The following ZP3 variants were observed in gnomAD, a reference collection of about 807,000 sequenced individuals.
The protein encoded by ZP3 is zona pellucida glycoprotein 3.
In ZP3, 21 loss-of-function variants were observed where a neutral mutation model predicts 35.6. The observed-to-expected ratio is 0.59, with a 90% CI of 0.42 to 0.85. The LOEUF (loss-of-function observed/expected upper bound fraction) is 0.85. ZP3 is among the 40% of genes least tolerant of loss of function. ZP3 has a pLI of 0.00. For missense variants in ZP3, 437 were observed against 536.5 expected (o/e 0.81, Z 1.83); for synonymous variants, 207 against 214.5 (o/e 0.96, Z 0.31).
intron 1 of ZP3, among the ~76,000 whole-genome samples, chr7:76,399,201 T>C (rs1437971978): frequency 6.6e-6 from 1 of 151,908 alleles, no homozygotes; most frequent in Non-Finnish European, 1.5e-5. Flanking sequence ...TTAGTAGAGA[T>C]GGGGTTTCAC....
chr7:76,422,989 C>A (rs1805542230), upstream of ZP3, among the ~76,000 whole-genome samples: 1 of 116,652 alleles, frequency 8.6e-6, no homozygotes, highest in African/African-American at 3.4e-5. Context: ...AGAATGAGAT[C>A]CTGTCTCAAA....
chr7:76,398,564 CA>C (rs976882074), intron 1 of ZP3, among the ~76,000 whole-genome samples: 5 of 152,080 alleles, frequency 3.3e-5, no homozygotes, highest in Non-Finnish European at 5.9e-5. Flanking sequence ...CTCGGCCTCC[CA>C]AAGTGCTGGG....
At chr7:76,418,916 C>G (rs1253448022) in intron 1 of ZP3, among the ~76,000 whole-genome samples, 2 of 152,118 alleles carry the variant, frequency 1.3e-5, no homozygotes, top group African/African-American at 2.4e-5. Flanking sequence ...TTGGATATAG[C>G]TCCCCCAATG....
chr7:76,417,946 T>TC (rs1563693399), intron 1 of ZP3, among the ~76,000 whole-genome samples: 4 of 151,058 alleles, frequency 2.6e-5, no homozygotes, highest in African/African-American at 9.7e-5. Flanking sequence ...CTTTCTTTTT[T>TC]TTTTTTTTTG....
chr7:76,405,271 TTATATATATATATATATATATATATA>T (rs1171830870), intron 1 of ZP3, among the ~76,000 whole-genome samples: 220 of 9,140 alleles, frequency 0.024, 11 homozygotes, highest in East Asian at 0.055. Flanking sequence ...ACCCAGCTAA[TTATATATATATATATATATATATATA>T]TATATATATA....
At chr7:76,416,962 AT>A (rs879535103) in intron 1 of ZP3, among the ~76,000 whole-genome samples, 10,848 of 146,126 alleles carry the variant, frequency 0.074, 1,110 homozygotes, top group African/African-American at 0.21. Context: ...ATATATATAT[AT>A]ATATATATAT....
intron 1 of ZP3, among the ~76,000 whole-genome samples, chr7:76,417,655 T>A (rs1744876415): frequency 6.6e-6 from 1 of 151,356 alleles, no homozygotes; most frequent in East Asian, 2.0e-4. Flanking sequence ...CTTGTCTCCC[T>A]GGCTAGAGTG....
At chr7:76,421,575 A>G (rs1302777248), upstream of ZP3, among the ~76,000 whole-genome samples, 1 of 151,510 alleles carries the variant, frequency 6.6e-6, no homozygotes. Flanking sequence ...TTTTAAAATT[A>G]TATATATATA....
chr7:76,440,034 A>G (rs1212081611), intron 5 of ZP3: 2 of 580,468 alleles, frequency 3.4e-6, no homozygotes, highest in Non-Finnish European at 6.2e-6. Context: ...TTTAGTAGCG[A>G]TGGGGTTTCA....
At chr7:76,424,781 G>C (rs751540726), upstream of ZP3, 2 of 572,480 alleles carry the variant, frequency 3.5e-6, no homozygotes, top group Non-Finnish European at 6.1e-6. Flanking sequence ...AAGGCTGAGA[G>C]TTTGCAGTTC....
At chr7:76,430,699 C>T (rs1010417014) in intron 2 of ZP3, among the ~76,000 whole-genome samples, 1 of 152,008 alleles carries the variant, frequency 6.6e-6, no homozygotes, top group Non-Finnish European at 1.5e-5. Flanking sequence ...GGCACCATTG[C>T]ACTCCAGCCT....
chr7:76,415,856 G>A lies in ZP3; in HGVS notation c.-66-9196G>A, dbSNP rs188955217. On this transcript the variant is annotated intron_variant, in intron 1 of 8. Coordinates refer to the ZP3 transcript ENST00000336517. ...AATAAAAAGCAGGCTAGGGCTAGCCGCAGTGGCTCATGCCTGTAATCCCAG... is the reference window on the plus strand; with the variant it reads ...AATAAAAAGCAGGCTAGGGCTAGCCACAGTGGCTCATGCCTGTAATCCCAG... Among the ~76,000 whole-genome samples the A allele has an allele frequency of 1.7e-3, 260 of 151,812 alleles. 6 individuals carry two copies. The highest frequency in any genetic ancestry group is 5.9e-4 in the East Asian group (3 of 5,090).
At chr7:76,419,634 CTTTCTTTCTTT>C (rs1218754227) in intron 1 of ZP3, among the ~76,000 whole-genome samples, 1 of 150,808 alleles carries the variant, frequency 6.6e-6, no homozygotes, top group African/African-American at 2.4e-5. Context: ...CTTTCTTTTT[CTTTCTTTCTTT>C]TCTCTCTCTC....
intron 1 of ZP3, chr7:76,398,762 A>G: frequency 1.2e-6 from 2 of 1,613,470 alleles, no homozygotes; most frequent in Non-Finnish European, 8.5e-7. Context: ...CTACTGGTTA[A>G]CATCTTCCTT....
At chr7:76,398,658 G>C (rs1804717716) in intron 1 of ZP3, 1 of 1,528,418 alleles carries the variant, frequency 6.5e-7, no homozygotes, top group Admixed American at 1.7e-5. Flanking sequence ...CCACTGCCTA[G>C]GGTAGGGTGT....
At chr7:76,413,055 T>C (rs1030538230) in intron 1 of ZP3, among the ~76,000 whole-genome samples, 2 of 146,646 alleles carry the variant, frequency 1.4e-5, no homozygotes, top group Non-Finnish European at 3.0e-5. Context: ...CTGTGCCTCC[T>C]GGGTTCAAAC....
chr7:76,438,531 C>T (rs376024590), intron 5 of ZP3, among the ~76,000 whole-genome samples: 18,384 of 100,266 alleles, frequency 0.18, 3 homozygotes, highest in Middle Eastern at 0.33. Flanking sequence ...AGACAGACTC[C>T]GTCTCAGAAA....
chr7:76,405,336 TTTC>T (rs1310377395), intron 1 of ZP3, among the ~76,000 whole-genome samples: 2 of 75,420 alleles, frequency 2.7e-5, no homozygotes, highest in African/African-American at 1.3e-4. Context: ...TCTTTCTTTC[TTTC>T]TTTTTTTTTT....
chr7:76,432,200 T>TC (rs1037827880), intron 2 of ZP3, among the ~76,000 whole-genome samples: 21 of 151,452 alleles, frequency 1.4e-4, no homozygotes, highest in Admixed American at 2.6e-4. Flanking sequence ...TCTTTTCTTT[T>TC]TTTTTTGAGA....
Sources: gnomAD v4.1 joint callset for allele counts (sites outside exome capture counted in the v4.1 genomes callset) on GRCh38, gnomAD v4.1.1 for gene constraint, MANE v1.5 for transcripts, NCBI Gene and HGNC (gene_info 2026-07-23, HGNC 2026-07-21) for gene names.